CCSER1: variants seen among roughly 807,000 people sequenced by gnomAD.
The protein encoded by CCSER1 is serine-rich coiled-coil domain-containing protein 1.
CCSER1 carries 41 observed loss-of-function variants against 82.0 expected under a neutral mutation model. The ratio of observed to expected loss-of-function variants is 0.50; its 90% CI spans 0.39 to 0.65. The LOEUF (loss-of-function observed/expected upper bound fraction) is 0.65, where lower values mean the gene tolerates loss of function less well. Among genes scored for constraint, CCSER1 ranks in the 30% least tolerant of loss-of-function variants. The probability of loss-of-function intolerance (pLI) is 0.00; values close to 1 mark genes in which losing one functional copy is unlikely to be tolerated. For missense variants in CCSER1, 1,119 were observed against 1,064.2 expected (o/e 1.05, Z -0.72); for synonymous variants, 414 against 383.9 (o/e 1.08, Z -0.92).
intron 10 of CCSER1, among the ~76,000 whole-genome samples, chr4:91,351,908 A>G (rs1748497707): frequency 6.6e-6 from 1 of 152,130 alleles, no homozygotes; most frequent in Non-Finnish European, 1.5e-5. Flanking sequence ...AACATAGTCT[A>G]CTGCAGTTAT....
chr4:91,598,490 T>C, intron 10 of CCSER1, 82 bp from the exon 11 acceptor site: 2 of 1,359,728 alleles, frequency 1.5e-6, no homozygotes, highest in South Asian at 1.6e-5. Context: ...CAGACACAAA[T>C]GTATAAATAT....
intron 10 of CCSER1, among the ~76,000 whole-genome samples, chr4:91,499,990 A>G (rs892612220): frequency 1.3e-5 from 2 of 152,080 alleles, no homozygotes; most frequent in East Asian, 1.9e-4. Flanking sequence ...GTAAAAATCA[A>G]TAAGTGCAAT....
At chr4:90,845,083 C>T (rs2149894675) in intron 8 of CCSER1, among the ~76,000 whole-genome samples, 1 of 152,140 alleles carries the variant, frequency 6.6e-6, no homozygotes, top group East Asian at 1.9e-4. Flanking sequence ...ATTTGTTAGG[C>T]CGGGTGTGGT....
At chr4:91,534,781 C>A (rs1414718910) in intron 10 of CCSER1, among the ~76,000 whole-genome samples, 1 of 151,604 alleles carries the variant, frequency 6.6e-6, no homozygotes, top group African/African-American at 2.4e-5. Flanking sequence ...TTCTAAATAT[C>A]CTAATTACTT....
At chr4:91,403,835 A>G (rs1184939925) in intron 10 of CCSER1, among the ~76,000 whole-genome samples, 1 of 152,170 alleles carries the variant, frequency 6.6e-6, no homozygotes, top group Non-Finnish European at 1.5e-5. Context: ...GATGTTCATC[A>G]GGGATATTGG....
At chr4:91,231,156 T>C (rs1367448895) in intron 10 of CCSER1, among the ~76,000 whole-genome samples, 1 of 151,874 alleles carries the variant, frequency 6.6e-6, no homozygotes, top group South Asian at 2.1e-4. Context: ...ACGGTATTCA[T>C]TGTGGCATTA....
chr4:91,301,084 A>T (rs1270704230), intron 10 of CCSER1, among the ~76,000 whole-genome samples: 2 of 151,912 alleles, frequency 1.3e-5, no homozygotes, highest in African/African-American at 4.8e-5. Context: ...TTTGTACATT[A>T]TGCATACATA....
At chr4:91,547,582 G>C (rs950300140) in intron 10 of CCSER1, among the ~76,000 whole-genome samples, 1 of 151,978 alleles carries the variant, frequency 6.6e-6, no homozygotes, top group Non-Finnish European at 1.5e-5. Flanking sequence ...ATTTAAAATG[G>C]GTTCTTACAG....
chr4:90,671,905 A>G (rs1012744097), intron 6 of CCSER1, among the ~76,000 whole-genome samples: 2 of 152,022 alleles, frequency 1.3e-5, no homozygotes, highest in African/African-American at 4.8e-5. Flanking sequence ...CTGCTTGTCC[A>G]TCTCCATCAG....
intron 9 of CCSER1, among the ~76,000 whole-genome samples, chr4:90,998,341 A>G (rs28711405): frequency 0.025 from 3,759 of 152,250 alleles, 133 homozygotes; most frequent in African/African-American, 0.081. Flanking sequence ...CGGCCTCCCA[A>G]AGAGCCGGGA....
intron 3 of CCSER1, among the ~76,000 whole-genome samples, chr4:90,369,267 AAAG>A (rs140388423): frequency 0.1 from 8,644 of 85,978 alleles, 403 homozygotes; most frequent in African/African-American, 0.14. Flanking sequence ...GAGGAGGAAG[AAAG>A]AAGAAGAAGA....
intron 1 of CCSER1, among the ~76,000 whole-genome samples, chr4:90,259,872 T>G (rs1723997527): frequency 6.6e-6 from 1 of 152,178 alleles, no homozygotes; most frequent in South Asian, 2.1e-4. Context: ...TGAGCTAGTA[T>G]TTTGTTGATG....
At chr4:90,504,362 A>G (rs931911323) in intron 5 of CCSER1, among the ~76,000 whole-genome samples, 9 of 152,206 alleles carry the variant, frequency 5.9e-5, no homozygotes, top group Non-Finnish European at 2.9e-5. Flanking sequence ...ACATCTAGAT[A>G]TGTATACACA....
intron 10 of CCSER1, among the ~76,000 whole-genome samples, chr4:91,426,958 C>A (rs370909196): frequency 3.3e-5 from 5 of 151,968 alleles, no homozygotes; most frequent in African/African-American, 1.2e-4. Context: ...ATGCTGTTAC[C>A]ATCCCCATTT....
chr4:91,444,073 G>A (rs749148837), intron 10 of CCSER1, among the ~76,000 whole-genome samples: 73 of 152,020 alleles, frequency 4.8e-4, no homozygotes, highest in Admixed American at 2.0e-4. Context: ...TTCAATTAAT[G>A]TATACATATA....
chr4:90,554,340 G>A (rs969695398), intron 5 of CCSER1, among the ~76,000 whole-genome samples: 1 of 152,172 alleles, frequency 6.6e-6, no homozygotes, highest in African/African-American at 2.4e-5. Flanking sequence ...CTCCAGTCCA[G>A]CCTCGGCAAC....
At chr4:91,179,520 TAA>T (rs769976225) in intron 10 of CCSER1, among the ~76,000 whole-genome samples, 3 of 152,208 alleles carry the variant, frequency 2.0e-5, no homozygotes, top group African/African-American at 4.8e-5. Context: ...GTTTTTTCTC[TAA>T]ACTTCTCCTC....
At chr4:90,596,719 C>CAA (rs35534640) in intron 5 of CCSER1, among the ~76,000 whole-genome samples, 1 of 149,740 alleles carries the variant, frequency 6.7e-6, no homozygotes, top group African/African-American at 2.4e-5. Context: ...ATTTTTTTAC[C>CAA]AAAAAAAAGA....
chr4:91,424,219 T>A (rs930968728), intron 10 of CCSER1, among the ~76,000 whole-genome samples: 2 of 150,674 alleles, frequency 1.3e-5, no homozygotes, highest in African/African-American at 4.9e-5. Context: ...GGGTTTCACC[T>A]TGTTAGCCAG....
Sources: gnomAD v4.1 joint callset for allele counts (sites outside exome capture counted in the v4.1 genomes callset) on GRCh38, gnomAD v4.1.1 for gene constraint, MANE v1.5 for transcripts, NCBI Gene and HGNC (gene_info 2026-07-23, HGNC 2026-07-21) for gene names.